Variants in AFAP1L2 observed in about 807,000 individuals in gnomAD.
The protein encoded by AFAP1L2 is actin filament associated protein 1 like 2.
AFAP1L2 carries 46 observed loss-of-function variants against 99.3 expected under a neutral mutation model. That is an observed-to-expected ratio of 0.46 (90% CI 0.37 to 0.59). The LOEUF (loss-of-function observed/expected upper bound fraction) is 0.59. Among genes scored for constraint, AFAP1L2 ranks in the 20% least tolerant of loss-of-function variants. AFAP1L2 has a pLI of 0.00. For missense variants in AFAP1L2, 959 were observed against 1,034.9 expected, an observed-to-expected ratio of 0.93 and a Z score of 1.01; for synonymous variants, 397 against 419.1, an observed-to-expected ratio of 0.95 and a Z score of 0.64.
chr10:114,282,974 C>G, the AFAP1L2 span, among the ~76,000 whole-genome samples: 1 of 152,262 alleles, frequency 6.6e-6, no homozygotes, highest in South Asian at 2.1e-4. Flanking sequence ...AGGGGGTCAT[C>G]GTATATGAGG....
chr10:114,300,655 A>G lies in AFAP1L2; in HGVS notation c.1578T>C (p.Asp526=). The change falls in exon 14 of 19, where the codon GAT becomes GAC. Residue 526 remains aspartate, a synonymous_variant. Transcript: ENST00000304129. ...GGTCAGATTCTCTCTCATTTGGGTCATCTGCAACAGGGGTGGCTTCCTCGG... is the reference window on the plus strand; with the variant it reads ...GGTCAGATTCTCTCTCATTTGGGTCGTCTGCAACAGGGGTGGCTTCCTCGG... ...EPTEEATPVA[D]DPNERESDRV... The G allele has an allele frequency of 6.2e-7, 1 of 1,608,598 alleles. No homozygotes were observed. The highest frequency in any genetic ancestry group is 1.3e-5 in the African/African-American group (1 of 74,966).
At chr10:114,355,423 G>A (rs1323236340) in intron 1 of AFAP1L2, among the ~76,000 whole-genome samples, 2 of 151,874 alleles carry the variant, frequency 1.3e-5, no homozygotes, top group Non-Finnish European at 2.9e-5. Flanking sequence ...TCTGACTGAT[G>A]CTCACATCCC....
At chr10:114,390,653 G>A (rs539959370) in intron 1 of AFAP1L2, among the ~76,000 whole-genome samples, 232 of 151,476 alleles carry the variant, frequency 1.5e-3, no homozygotes, top group Non-Finnish European at 2.7e-3. Flanking sequence ...CCTGGGAGGC[G>A]GAGGTTGCAG....
chr10:114,303,785 G>A (rs80252879), intron 11 of AFAP1L2, among the ~76,000 whole-genome samples: 225 of 152,170 alleles, frequency 1.5e-3, no homozygotes, highest in African/African-American at 4.9e-3. Flanking sequence ...TGAGCTTGCC[G>A]CCCTCCCCTG....
At chr10:114,359,293 G>A (rs1174569054) in intron 1 of AFAP1L2, among the ~76,000 whole-genome samples, 1 of 152,158 alleles carries the variant, frequency 6.6e-6, no homozygotes, top group Non-Finnish European at 1.5e-5. Flanking sequence ...TTATAATTGG[G>A]TTTAAAATGA....
At position 114,304,725 on chromosome 10, in the gene AFAP1L2, C is replaced by T. The variant is rs746511605; in HGVS notation, c.1278G>A (p.Lys426=). 1 of 1,603,812 alleles carries T rather than the reference C, an allele frequency of 6.2e-7. No homozygotes were observed. The highest frequency in any genetic ancestry group is 8.5e-7 in the Non-Finnish European group (1 of 1,176,668). ...CCCTGCAGGCCGGCGGTACCTCAAG[C>T]TTGGCCAGCTCCTCGCCCTTGTGGA... ...RILHKGEELA[K]LEAKSSEEMG... is the part of the protein sequence containing the mutation. Residue 426 remains lysine, a synonymous_variant, in exon 11 of 19, where the codon AAG becomes AAA. Coordinates refer to ENST00000304129, the MANE Select transcript of AFAP1L2 (RefSeq NM_001001936.3).
At chr10:114,404,277 C>T (rs1317818025) in intron 1 of AFAP1L2, among the ~76,000 whole-genome samples, 163 bp downstream of exon 1, 1 of 152,198 alleles carries the variant, frequency 6.6e-6, no homozygotes, top group Non-Finnish European at 1.5e-5. Flanking sequence ...CCCGCCCAGT[C>T]CGCGGCGCCG....
chr10:114,300,641 C>T lies in AFAP1L2; in HGVS notation c.1592G>A (p.Arg531Lys), dbSNP rs772498703. 15 of 1,612,364 alleles carry T rather than the reference C, an allele frequency of 9.3e-6. No homozygotes were observed. Among genetic ancestry groups the T allele is most frequent in the Admixed American group, 1.7e-5 (1 of 59,908 alleles). ...GTCCAGGTACACTCGGTCAGATTCT[C>T]TCTCATTTGGGTCATCTGCAACAGG... ...ATPVADDPNE[R>K]ESDRVYLDLT... Residue 531 changes from arginine (R) to lysine (K), a missense_variant, in exon 14 of 19, where the codon AGA (arginine) becomes AAA (lysine). By Grantham distance (26) the Arg-to-Lys change is conservative. Coordinates refer to ENST00000304129, the MANE Select transcript of AFAP1L2 (RefSeq NM_001001936.3).
chr10:114,322,845 C>A (rs949388523), intron 5 of AFAP1L2, among the ~76,000 whole-genome samples: 1 of 152,262 alleles, frequency 6.6e-6, no homozygotes, highest in African/African-American at 2.4e-5. Context: ...TCTCTTCTGT[C>A]ACCTTTGTGC....
chr10:114,398,976 C>T (rs753809190), intron 1 of AFAP1L2: 1 of 1,221,192 alleles, frequency 8.2e-7, no homozygotes, highest in Admixed American at 2.3e-5. Context: ...ATCTCCATTT[C>T]TGGAATCTGC....
the AFAP1L2 span, chr10:114,285,967 C>T: frequency 3.7e-6 from 6 of 1,607,174 alleles, no homozygotes; most frequent in African/African-American, 1.3e-5. Flanking sequence ...AATGCAGGGT[C>T]GACCTCCTCT....
At chr10:114,384,610 C>T (rs1256891188) in intron 1 of AFAP1L2, among the ~76,000 whole-genome samples, 1 of 152,244 alleles carries the variant, frequency 6.6e-6, no homozygotes. Context: ...AAAGTACTCG[C>T]CTTCTTCTGC....
intron 7 of AFAP1L2, among the ~76,000 whole-genome samples, chr10:114,312,234 AGTGTGTGTGTGT>A (rs58275552): frequency 0.037 from 5,404 of 145,556 alleles, 179 homozygotes; most frequent in East Asian, 0.13. Flanking sequence ...GCAAGAGCAG[AGTGTGTGTGTGT>A]GTGTGTGTGT....
chr10:114,312,027 G>C (rs2043319673), intron 7 of AFAP1L2, among the ~76,000 whole-genome samples: 1 of 152,220 alleles, frequency 6.6e-6, no homozygotes, highest in African/African-American at 2.4e-5. Context: ...CTGAGCTGGG[G>C]GGAAGGGTCT....
At chr10:114,404,628 G>T (rs1354115554), upstream of AFAP1L2, 1 of 882,462 alleles carries the variant, frequency 1.1e-6, no homozygotes, top group Non-Finnish European at 1.5e-6. Context: ...GCCAGGGCTC[G>T]CCCCCAGCGC....
the AFAP1L2 span, chr10:114,286,444 G>T: frequency 6.2e-7 from 1 of 1,610,802 alleles, no homozygotes; most frequent in Non-Finnish European, 8.5e-7. Context: ...TGGTCTACTC[G>T]GATCCTCAGG....
At chr10:114,352,479 TAAAAAA>T (rs766929781) in intron 1 of AFAP1L2, among the ~76,000 whole-genome samples, 4 of 71,390 alleles carry the variant, frequency 5.6e-5, no homozygotes, top group South Asian at 6.5e-4. Context: ...GTCTCCAAAT[TAAAAAA>T]AAAAAAAAAA....
intron 8 of AFAP1L2, among the ~76,000 whole-genome samples, chr10:114,308,798 T>G (rs773537270): frequency 6.6e-5 from 10 of 152,198 alleles, no homozygotes; most frequent in Non-Finnish European, 1.5e-4. Flanking sequence ...CCTATGATGT[T>G]AACTGTCAAG....
At chr10:114,369,769 C>T (rs1016812478) in intron 1 of AFAP1L2, among the ~76,000 whole-genome samples, 2 of 152,068 alleles carry the variant, frequency 1.3e-5, no homozygotes, top group Non-Finnish European at 2.9e-5. Flanking sequence ...AAAACAAGTA[C>T]ATTTAAAATA....
Sources: gnomAD v4.1 joint callset for allele counts (sites outside exome capture counted in the v4.1 genomes callset) on GRCh38, gnomAD v4.1.1 for gene constraint, MANE v1.5 for transcripts, NCBI Gene and HGNC (gene_info 2026-07-23, HGNC 2026-07-21) for gene names.